Variants in ZDHHC21 observed in about 807,000 individuals in gnomAD.
ZDHHC21 encodes the protein zDHHC palmitoyltransferase 21, also known as palmitoyltransferase ZDHHC21.
Under a neutral mutation model 34.6 loss-of-function variants are expected in ZDHHC21, and 15 were observed. The ratio of observed to expected loss-of-function variants is 0.43; its 90% CI spans 0.29 to 0.67. ZDHHC21 has a LOEUF of 0.67. ZDHHC21 is among the 30% of genes least tolerant of loss of function. ZDHHC21 has a pLI of 0.14. For missense variants in ZDHHC21, 344 were observed against 327.7 expected (o/e 1.05, Z -0.38); for synonymous variants, 142 against 101.8 (o/e 1.40, Z -2.38).
chr9:14,653,946 A>G (rs1407139850), intron 7 of ZDHHC21, among the ~76,000 whole-genome samples: 1 of 152,020 alleles, frequency 6.6e-6, no homozygotes, highest in Non-Finnish European at 1.5e-5. Flanking sequence ...AAGTAGCCAA[A>G]CTCCCCAGAA....
the ZDHHC21 span, among the ~76,000 whole-genome samples, chr9:14,600,396 T>C: frequency 7.2e-5 from 11 of 152,094 alleles, no homozygotes; most frequent in Non-Finnish European, 1.3e-4. Flanking sequence ...TGAACTCCCA[T>C]TCACAACTGC....
At chr9:14,620,775 A>T (rs570841404) in intron 8 of ZDHHC21, among the ~76,000 whole-genome samples, 8 of 152,182 alleles carry the variant, frequency 5.3e-5, no homozygotes, top group African/African-American at 1.9e-4. Flanking sequence ...AATCAGAGAA[A>T]ATGGATCTAT....
chr9:14,673,019 AC>A, intron 4 of ZDHHC21, 91 bp from the exon 5 acceptor site: 1 of 784,730 alleles, frequency 1.3e-6, no homozygotes, highest in Non-Finnish European at 1.9e-6. Flanking sequence ...GTATATTTTA[AC>A]AAACACCATC....
chr9:14,685,511 C>G (rs1455341674), intron 2 of ZDHHC21, among the ~76,000 whole-genome samples: 3 of 152,066 alleles, frequency 2.0e-5, no homozygotes, highest in South Asian at 2.1e-4. Flanking sequence ...GACATACCAT[C>G]TCACACCAGT....
intron 2 of ZDHHC21, among the ~76,000 whole-genome samples, chr9:14,682,337 T>C (rs953125045): frequency 2.0e-5 from 3 of 152,032 alleles, no homozygotes; most frequent in Admixed American, 2.0e-4. Flanking sequence ...AATAAAGGGA[T>C]GGAGGAAGAT....
In ZDHHC21 at chr9:14,618,985, T is replaced by C. The variant is rs560012316; in HGVS notation, c.779A>G (p.His260Arg). 9 of 1,610,194 alleles carry C rather than the reference T, an allele frequency of 5.6e-6. No individual in the cohort carries two copies. The South Asian group carries it at 8.8e-5, about 16-fold the overall frequency. Residue 260 changes from histidine (H) to arginine (R), a missense_variant, in exon 10 of 10, where the codon CAC (histidine) becomes CGC (arginine). By Grantham distance (29) the His-to-Arg change is conservative. Coordinates refer to ENST00000380916, the MANE Select transcript of ZDHHC21 (RefSeq NM_178566.6). ...ATCTGTTTAGACATGATTGGCAAAG[T>C]GGTAGGGAACTCGCAGTGGTTGCCT... The part of the protein sequence containing the change: ...RQRQPLRVPY[H>R]FANHV
chr9:14,612,867 C>CAA lies in ZDHHC21; in HGVS notation c.*6098_*6099insTT, dbSNP rs1233300467. On this transcript the variant is annotated 3_prime_UTR_variant, in exon 10 of 10. Coordinates refer to ENST00000380916, the MANE Select transcript of ZDHHC21 (RefSeq NM_178566.6). ...TTACACACACACACACACACACACA[C>CAA]ACACACACACACACGCTGAACTCGA... 2 of 88,138 alleles carry CAA rather than the reference C, an allele frequency of 2.3e-5. No homozygotes were observed. Among genetic ancestry groups the CAA allele is most frequent in the Admixed American group, 2.4e-4 (2 of 8,298 alleles). 5.5% of individuals were successfully genotyped at this position (88,138 alleles called of 1,614,324 possible).
chr9:14,678,360 G>A (rs1052071405), intron 3 of ZDHHC21, among the ~76,000 whole-genome samples: 2 of 151,604 alleles, frequency 1.3e-5, no homozygotes, highest in Non-Finnish European at 2.9e-5. Flanking sequence ...AGCATTCCTG[G>A]AAAAAATACT....
intron 7 of ZDHHC21, among the ~76,000 whole-genome samples, chr9:14,652,149 T>C (rs1023858391): frequency 6.6e-5 from 10 of 151,984 alleles, no homozygotes; most frequent in African/African-American, 2.2e-4. Context: ...TTATCTCCAT[T>C]TATTTAGAAA....
rs1347243904 is a variant in ZDHHC21 at position 14,614,263 on chromosome 9, A to G, written c.*4703T>C. 6.6e-6 allele frequency: 1 copy of G among 150,662 alleles called. No individual in the cohort carries two copies. The highest frequency in any genetic ancestry group is 1.5e-5 in the Non-Finnish European group (1 of 67,366). 9.3% of individuals were successfully genotyped at this position (150,662 alleles called of 1,614,324 possible). The stretch of plus-strand genomic sequence containing the variant: ...GGCAAAAAGAACATAATAATAGTAA[A>G]AAATATAATGATAATGGAAAGTATC... On this transcript the variant is annotated 3_prime_UTR_variant, in exon 10 of 10. Transcript: ENST00000380916.
intron 2 of ZDHHC21, among the ~76,000 whole-genome samples, chr9:14,686,913 C>T (rs1838404465): frequency 6.7e-6 from 1 of 148,840 alleles, no homozygotes; most frequent in Non-Finnish European, 1.5e-5. Flanking sequence ...GCAGAGGTTG[C>T]AGTGAGCAGA....
chr9:14,591,302 T>A, the ZDHHC21 span, among the ~76,000 whole-genome samples: 1 of 152,108 alleles, frequency 6.6e-6, no homozygotes, highest in East Asian at 1.9e-4. Flanking sequence ...TATTAGGTCA[T>A]GAGGGATCTG....
chr9:14,675,388 C>T (rs751620489), intron 3 of ZDHHC21, among the ~76,000 whole-genome samples: 3 of 151,780 alleles, frequency 2.0e-5, no homozygotes, highest in Non-Finnish European at 4.4e-5. Flanking sequence ...ACCAAAAACA[C>T]CTGGGGAGCT....
intron 5 of ZDHHC21, 84 bp downstream of exon 5, chr9:14,672,746 C>T (rs948704138): frequency 2.2e-6 from 2 of 898,318 alleles, no homozygotes; most frequent in African/African-American, 3.4e-5. Flanking sequence ...CATTTATAAC[C>T]AATATATATT....
chr9:14,686,887 C>A (rs540567246), intron 2 of ZDHHC21, among the ~76,000 whole-genome samples: 1 of 149,880 alleles, frequency 6.7e-6, no homozygotes, highest in South Asian at 2.1e-4. Flanking sequence ...GCACGAGAAT[C>A]GTTTCAACCC....
Position 14,615,449 on chromosome 9 carries a change from T to C in ZDHHC21, c.*3517A>G, listed in dbSNP as rs543210958. On this transcript the variant is annotated 3_prime_UTR_variant, in exon 10 of 10. Transcript: ENST00000380916. Reference sequence around the variant, plus strand: ...TTCATTATTAAAAATAAACCATGCTTTTTTTCTGAAAAAGTTAATATGTTA... The same window carrying C: ...TTCATTATTAAAAATAAACCATGCTCTTTTTCTGAAAAAGTTAATATGTTA... 1 of 151,852 alleles carries C rather than the reference T, an allele frequency of 6.6e-6. No homozygotes were observed. The highest frequency in any genetic ancestry group is 1.9e-4 in the East Asian group (1 of 5,168). The allele number at this position is 151,852 out of a possible 1,614,324, so 9.4% of individuals were successfully genotyped here.
In ZDHHC21 at chr9:14,674,386, C is replaced by T. The variant is rs1835986434; in HGVS notation, c.-45-1G>A. The T allele has an allele frequency of 6.5e-7, 1 of 1,530,488 alleles. No individual in the cohort carries two copies. The highest frequency in any genetic ancestry group is 8.7e-7 in the Non-Finnish European group (1 of 1,144,692). The allele number at this position is 1,530,488 out of a possible 1,614,324, so 94.8% of individuals were successfully genotyped here. A position where few individuals can be genotyped will look rare whatever the true frequency, so the allele number is the denominator to read the frequency against. ...TGCTAACCCACAAGGAAGGATGATC[C>T]TAAGGAGAAGGAACAAAGAAAATAA... On this transcript the variant is annotated splice_acceptor_variant, in intron 3 of 9. Coordinates refer to ENST00000380916, the MANE Select transcript of ZDHHC21 (RefSeq NM_178566.6). LOFTEE classifies it low-confidence loss of function (5UTR_SPLICE).
chr9:14,620,888 C>T (rs1181433447), intron 8 of ZDHHC21, among the ~76,000 whole-genome samples: 1 of 151,942 alleles, frequency 6.6e-6, no homozygotes, highest in Non-Finnish European at 1.5e-5. Context: ...CATTAGTTTT[C>T]CTATCAAGCT....
At chr9:14,679,618 C>A (rs1241339728) in intron 3 of ZDHHC21, among the ~76,000 whole-genome samples, 1 of 152,062 alleles carries the variant, frequency 6.6e-6, no homozygotes, top group Admixed American at 6.6e-5. Flanking sequence ...CCATGTACTT[C>A]TAAATTCTTT....
Sources: allele counts gnomAD v4.1 joint callset (sites outside exome capture counted in the v4.1 genomes callset), GRCh38; gene constraint gnomAD v4.1.1; transcripts MANE v1.5; gene names NCBI Gene and HGNC (gene_info 2026-07-23, HGNC 2026-07-21).